The following VPS72 variants were observed in gnomAD, a reference collection of about 807,000 sequenced individuals.
VPS72 encodes vacuolar protein sorting 72 homolog.
VPS72 carries 27 observed loss-of-function variants against 38.9 expected under a neutral mutation model. That is an observed-to-expected ratio of 0.69 (90% confidence interval 0.51 to 0.96). The LOEUF is 0.96. VPS72 is among the 40% of genes least tolerant of loss of function. The probability of loss-of-function intolerance (pLI) is 0.00; values close to 1 mark genes in which losing one functional copy is unlikely to be tolerated. For synonymous variants in VPS72, 173 were observed against 186.3 expected, an observed-to-expected ratio of 0.93 and a Z score of 0.58; for missense variants, 360 against 479.5, an observed-to-expected ratio of 0.75 and a Z score of 2.33.
chr1:151,186,614 G>A (rs1684356073), intron 1 of VPS72, among the ~76,000 whole-genome samples: 1 of 151,890 alleles, frequency 6.6e-6, no homozygotes, highest in Non-Finnish European at 1.5e-5. Context: ...TGAAAACACT[G>A]TTAGTATTTA....
intron 4 of VPS72, among the ~76,000 whole-genome samples, chr1:151,181,194 GGC>G (rs887594126): frequency 3.3e-5 from 5 of 151,804 alleles, no homozygotes; most frequent in African/African-American, 1.2e-4. Context: ...AACACTGCAT[GGC>G]CACAGTTTAT....
intron 4 of VPS72, among the ~76,000 whole-genome samples, chr1:151,183,154 G>A (rs1572093677): frequency 6.6e-6 from 1 of 152,074 alleles, no homozygotes; most frequent in South Asian, 2.1e-4. Flanking sequence ...CCGCGGGGTG[G>A]CCCAAGCCTG....
At chr1:151,189,779 C>T (rs1340427102) in intron 1 of VPS72, among the ~76,000 whole-genome samples, 1 of 152,198 alleles carries the variant, frequency 6.6e-6, no homozygotes, top group South Asian at 2.1e-4. Flanking sequence ...CTCCGGAGAG[C>T]TTCTCCGTCT....
intron 1 of VPS72, among the ~76,000 whole-genome samples, chr1:151,189,116 A>T (rs968880337): frequency 2.0e-5 from 3 of 152,172 alleles, no homozygotes; most frequent in African/African-American, 7.2e-5. Flanking sequence ...GGCGTGAGCC[A>T]CTGTGCCCGG....
Position 151,185,590 on chromosome 1 carries a change from C to A in VPS72, c.301G>T (p.Val101Phe). Reference protein sequence around the residue: ...EPLKSLRPRKVNTPAGSSQKA... With the variant: ...EPLKSLRPRKFNTPAGSSQKA... ...TGAGAGCTACCAGCCGGGGTGTTGACCTTTCGAGGCCTTAAGCTCTTGAGA... is the reference window on the plus strand; with the variant it reads ...TGAGAGCTACCAGCCGGGGTGTTGAACTTTCGAGGCCTTAAGCTCTTGAGA... The change falls in exon 3 of 6, where the codon GTC becomes TTC. Residue 101 changes from valine (V) to phenylalanine (F), a missense_variant. Transcript: ENST00000368892. 6.2e-7 allele frequency: 1 copy of A among 1,614,096 alleles called. No individual in the cohort carries two copies. Among genetic ancestry groups the A allele is most frequent in the Non-Finnish European group, 8.5e-7 (1 of 1,180,028 alleles).
At position 151,184,587 on chromosome 1, in the gene VPS72, TTTC is replaced by T. The variant is rs1400950008; in HGVS notation, c.386-97_386-95del. 6.0e-4 allele frequency: 809 copies of T among 1,358,884 alleles called. 4 individuals are homozygous for T. In the African/African-American group the frequency reaches 0.011, roughly 18 times the overall value. 84.2% of individuals were successfully genotyped at this position (1,358,884 alleles called of 1,614,324 possible). ...ATGTTGTACTTGGAAATAATTTTTT[TTTC>T]TTTTTTTTTTTTTGAGATGGAATCT... On this transcript the variant is annotated intron_variant, in intron 3 of 5. Coordinates refer to ENST00000368892, the MANE Select transcript of VPS72 (RefSeq NM_005997.3).
intron 1 of VPS72, among the ~76,000 whole-genome samples, chr1:151,188,298 A>C (rs149609445): frequency 6.6e-6 from 1 of 152,108 alleles, no homozygotes; most frequent in Non-Finnish European, 1.5e-5. Context: ...AGCCTCCCAA[A>C]GTGCTGGAAT....
Position 151,184,504 on chromosome 1 carries a change from G to T in VPS72, c.386-11C>A. On this transcript the variant is annotated splice_polypyrimidine_tract_variant and intron_variant, in intron 3 of 5. Transcript: ENST00000368892. Reference sequence around the variant, plus strand: ...GCATAGACTTCCGACCTGGAAGAGAGTGAGATAAGAAGAAATCTTTGAATT... The same window carrying T: ...GCATAGACTTCCGACCTGGAAGAGATTGAGATAAGAAGAAATCTTTGAATT... 6.3e-7 allele frequency: 1 copy of T among 1,594,118 alleles called. No homozygotes were observed. The highest frequency in any genetic ancestry group is 1.7e-4 in the Middle Eastern group (1 of 5,990).
chr1:151,182,485 A>C (rs1684261415), intron 4 of VPS72, among the ~76,000 whole-genome samples: 1 of 152,178 alleles, frequency 6.6e-6, no homozygotes, highest in Admixed American at 6.5e-5. Flanking sequence ...GAAAGACATA[A>C]TTTCTAATAT....
At chr1:151,179,044 G>C (rs1684178537) in intron 4 of VPS72, among the ~76,000 whole-genome samples, 3 of 152,308 alleles carry the variant, frequency 2.0e-5, no homozygotes, top group South Asian at 4.1e-4. Flanking sequence ...CACTTTGGGA[G>C]GCCGAGGTGG....
rs1684299861 is a variant in VPS72 at position 151,184,284 on chromosome 1, C to T, written c.562+33G>A. On this transcript the variant is annotated intron_variant, in intron 4 of 5. Coordinates refer to ENST00000368892, the MANE Select transcript of VPS72 (RefSeq NM_005997.3). ...TGGTTTTTCTCATGCCCCTCAGCCC[C>T]TCTACTCACTTTTTCTGAAACCACA... 3.1e-6 allele frequency: 5 copies of T among 1,609,580 alleles called. No homozygotes were observed. In the East Asian group the frequency reaches 8.9e-5, roughly 29 times the overall value.
Position 151,177,001 on chromosome 1 carries a change from C to T in VPS72, c.738G>A (p.Leu246=). The T allele has an allele frequency of 6.3e-7, 1 of 1,584,588 alleles. No homozygotes were observed. Among genetic ancestry groups the T allele is most frequent in the Non-Finnish European group, 8.6e-7 (1 of 1,163,396 alleles). The part of the protein sequence containing the change: ...GLDPAPSVSA[L]TPHAGTGPVN... ...CGGGTCCAGTCCCAGCATGAGGAGTCAATGCAGACACCGAGGGAGCAGGAT... is the reference window on the plus strand; with the variant it reads ...CGGGTCCAGTCCCAGCATGAGGAGTTAATGCAGACACCGAGGGAGCAGGAT... The change falls in exon 6 of 6, where the codon TTG becomes TTA. Residue 246 remains leucine, a synonymous_variant. Transcript: ENST00000368892.
chr1:151,183,781 A>T (rs767887171), intron 4 of VPS72, among the ~76,000 whole-genome samples: 3 of 152,088 alleles, frequency 2.0e-5, no homozygotes, highest in Non-Finnish European at 2.9e-5. Flanking sequence ...GAGATTTTTA[A>T]AGCAATACCA....
intron 4 of VPS72, among the ~76,000 whole-genome samples, chr1:151,179,205 C>G (rs1684181705): frequency 6.6e-6 from 1 of 152,062 alleles, no homozygotes; most frequent in Non-Finnish European, 1.5e-5. Flanking sequence ...TTGCTTGAAC[C>G]TGGGAGGCAG....
Position 151,178,014 on chromosome 1 carries a change from C to T in VPS72, c.694G>A (p.Val232Ile), listed in dbSNP as rs779209667. The T allele has an allele frequency of 2.5e-6, 4 of 1,613,934 alleles. No homozygotes were observed. The highest frequency in any genetic ancestry group is 2.7e-5 in the African/African-American group (2 of 74,910). ...AGATTCACTCACCCTTCTATGTCAA[C>T]GTTCTCTTCCTTGGGGCCTGGCTCC... ...VGEPGPKEEN[V>I]DIEGLDPAPS... is the part of the protein sequence containing the mutation. The change falls in exon 5 of 6, where the codon GTT becomes ATT. Residue 232 changes from valine to isoleucine, a missense_variant. Val to Ile is a conservative substitution (Grantham distance 29, BLOSUM62 3). Transcript: ENST00000368892.
At chr1:151,181,433 C>CG (rs1684238862) in intron 4 of VPS72, among the ~76,000 whole-genome samples, 1 of 151,968 alleles carries the variant, frequency 6.6e-6, no homozygotes, top group Admixed American at 6.6e-5. Context: ...TTAGTAGAGA[C>CG]GGGGTTTCAC....
In VPS72 at chr1:151,176,870, T is replaced by C; in HGVS notation, c.869A>G (p.Glu290Gly). The part of the protein sequence containing the change: ...QGRPPKVPVR[E>G]VCPVTHRPAL... ...TGGACGATGGGTCACTGGACAGACC[T>C]CACGAACAGGGACTTTTGGGGGCCG... Residue 290 changes from glutamate (E) to glycine (G), a missense_variant, in exon 6 of 6, where the codon GAG (glutamate) becomes GGG (glycine). Coordinates refer to ENST00000368892, the MANE Select transcript of VPS72 (RefSeq NM_005997.3). 6.2e-7 allele frequency: 1 copy of C among 1,614,098 alleles called. No homozygotes were observed. Among genetic ancestry groups the C allele is most frequent in the South Asian group, 1.1e-5 (1 of 91,076 alleles).
Position 151,190,146 on chromosome 1 carries a change from ACC to A in VPS72, c.-27_-26del. 1.2e-6 allele frequency: 2 copies of A among 1,609,996 alleles called. No homozygotes were observed. The highest frequency in any genetic ancestry group is 1.7e-6 in the Non-Finnish European group (2 of 1,179,500). On this transcript the variant is annotated 5_prime_UTR_variant, in exon 1 of 6. The change creates a new upstream start codon in the 5' untranslated region. Coordinates refer to ENST00000368892, the MANE Select transcript of VPS72 (RefSeq NM_005997.3). ...TACCGCCTACCGAGACTGCGCCGCC[ACC>A]TGCAGCCCCTCACCAGCTCGGTTTT...
chr1:151,187,613 ATGTT>A (rs1242142453), intron 1 of VPS72, among the ~76,000 whole-genome samples: 4 of 152,234 alleles, frequency 2.6e-5, no homozygotes. Flanking sequence ...AGAAAAGAGA[ATGTT>A]TGTATATCAT....
Sources: allele counts gnomAD v4.1 joint callset (sites outside exome capture counted in the v4.1 genomes callset), GRCh38; gene constraint gnomAD v4.1.1; transcripts MANE v1.5; gene names NCBI Gene and HGNC (gene_info 2026-07-23, HGNC 2026-07-21).